Variants in VPS26A observed in about 807,000 individuals in gnomAD.
VPS26A encodes vacuolar protein sorting-associated protein 26A.
A neutral mutation model predicts 42.4 loss-of-function variants in VPS26A; 22 were observed. The observed-to-expected ratio is 0.52, with a 90% CI of 0.37 to 0.74. VPS26A has a LOEUF of 0.74. VPS26A is among the 30% of genes least tolerant of loss of function. VPS26A has a pLI of 0.00. For synonymous variants in VPS26A, 110 were observed against 123.5 expected (o/e 0.89, Z 0.73); for missense variants, 276 against 379.2 (o/e 0.73, Z 2.26).
At chr10:69,152,097 T>C (rs2132220286) in intron 2 of VPS26A, among the ~76,000 whole-genome samples, 1 of 152,156 alleles carries the variant, frequency 6.6e-6, no homozygotes, top group Admixed American at 6.5e-5. Flanking sequence ...TAATTTCAGC[T>C]ATTTGGGAGG....
intron 2 of VPS26A, among the ~76,000 whole-genome samples, chr10:69,149,755 T>TGAGA (rs1841256121): frequency 1.0e-5 from 1 of 98,304 alleles, no homozygotes; most frequent in African/African-American, 3.5e-5. Flanking sequence ...TTTTTTTTTT[T>TGAGA]TTTTTTTTTG....
intron 6 of VPS26A, among the ~76,000 whole-genome samples, chr10:69,163,164 G>A (rs140427549): frequency 1.3e-5 from 2 of 152,186 alleles, no homozygotes; most frequent in African/African-American, 2.4e-5. Context: ...CCAGTCTGCT[G>A]TTTGTGGACA....
At chr10:69,150,432 T>C (rs749647389) in intron 2 of VPS26A, among the ~76,000 whole-genome samples, 3 of 140,186 alleles carry the variant, frequency 2.1e-5, no homozygotes, top group Admixed American at 1.4e-4. Flanking sequence ...TGAGATGGAG[T>C]GTCCCTCAGG....
rs1266993111 is a variant in VPS26A at position 69,171,306 on chromosome 10, T to A, written c.*37T>A. On this transcript the variant is annotated 3_prime_UTR_variant, in exon 9 of 9. Coordinates refer to ENST00000263559, the MANE Select transcript of VPS26A (RefSeq NM_004896.5). The stretch of plus-strand genomic sequence containing the variant: ...GAAAAAAAGAAAAGCAAAAAACTCC[T>A]GTAACCCTTGAGATTAAGTTCAGCA... The A allele has an allele frequency of 6.3e-7, 1 of 1,576,984 alleles. No individual in the cohort carries two copies. Among genetic ancestry groups the A allele is most frequent in the East Asian group, 2.2e-5 (1 of 44,554 alleles).
chr10:69,155,061 G>C (rs1427654555), intron 2 of VPS26A, among the ~76,000 whole-genome samples: 1 of 151,982 alleles, frequency 6.6e-6, no homozygotes, highest in Non-Finnish European at 1.5e-5. Context: ...GAGGGAGGAG[G>C]ATCATTTGAG....
At chr10:69,147,133 T>C (rs1841178366) in intron 2 of VPS26A, among the ~76,000 whole-genome samples, 1 of 152,214 alleles carries the variant, frequency 6.6e-6, no homozygotes, top group Non-Finnish European at 1.5e-5. Context: ...TATAAAGTGG[T>C]ATCTCATTTT....
chr10:69,126,146 G>A (rs551520919), intron 1 of VPS26A, among the ~76,000 whole-genome samples: 75 of 152,192 alleles, frequency 4.9e-4, no homozygotes, highest in Non-Finnish European at 8.4e-4. Flanking sequence ...TTTACCAAAA[G>A]AAGTGAGTAG....
At chr10:69,168,413 A>G (rs969717499) in intron 7 of VPS26A, 76 bp from the exon 8 acceptor site, 49 of 1,479,028 alleles carry the variant, frequency 3.3e-5, no homozygotes, top group Admixed American at 6.0e-5. Flanking sequence ...TGTCAACTCT[A>G]TAGTGCTTAG....
At chr10:69,134,741 G>A (rs765459956) in intron 2 of VPS26A, among the ~76,000 whole-genome samples, 2 of 150,766 alleles carry the variant, frequency 1.3e-5, no homozygotes, top group Admixed American at 6.6e-5. Context: ...TGTTGAATCC[G>A]AAGTGAATTT....
intron 4 of VPS26A, 119 bp from the exon 5 acceptor site, chr10:69,157,928 G>C: frequency 1.2e-6 from 1 of 821,124 alleles, no homozygotes; most frequent in Non-Finnish European, 1.8e-6. Flanking sequence ...GAAGTAAGTT[G>C]ATCCCAAAGG....
chr10:69,167,164 T>C, intron 7 of VPS26A, among the ~76,000 whole-genome samples: 1 of 149,612 alleles, frequency 6.7e-6, no homozygotes, highest in Non-Finnish European at 1.5e-5. Flanking sequence ...GCGTGGTGGC[T>C]CACGCCTGTA....
At chr10:69,127,376 AC>A (rs1345332344) in intron 1 of VPS26A, among the ~76,000 whole-genome samples, 1 of 146,310 alleles carries the variant, frequency 6.8e-6, no homozygotes, top group East Asian at 2.1e-4. Flanking sequence ...ACACGGTGAA[AC>A]CCCGTCTCCA....
chr10:69,161,031 T>C lies in VPS26A; in HGVS notation c.552-1375T>C, dbSNP rs571231053. 2.0e-5 allele frequency among the ~76,000 whole-genome samples: 3 copies of C among 152,300 alleles called. No homozygotes were observed. The East Asian group carries it at 5.8e-4, about 29-fold the overall frequency. ...CTTGTGTCTTTTAATGTTGAAAATA[T>C]CTTCATACACCAAATATTTCAAGTA... On this transcript the variant is annotated intron_variant, in intron 5 of 8. Coordinates refer to ENST00000263559, the MANE Select transcript of VPS26A (RefSeq NM_004896.5).
intron 2 of VPS26A, among the ~76,000 whole-genome samples, chr10:69,142,966 C>G (rs1045402628): frequency 6.6e-6 from 1 of 152,092 alleles, no homozygotes; most frequent in African/African-American, 2.4e-5. Flanking sequence ...GAGAGAGGTT[C>G]TAGAATATAA....
intron 2 of VPS26A, among the ~76,000 whole-genome samples, chr10:69,151,283 A>AAAAAAAAAAAAAAAAAAAC (rs59929053): frequency 1.8e-4 from 22 of 122,164 alleles, no homozygotes; most frequent in African/African-American, 7.3e-4. Context: ...AAAAAAAAAA[A>AAAAAAAAAAAAAAAAAAAC]CACACACACA....
chr10:69,137,609 GT>G (rs1840942979), intron 2 of VPS26A, among the ~76,000 whole-genome samples: 1 of 152,034 alleles, frequency 6.6e-6, no homozygotes. Context: ...AGCTTACCTG[GT>G]TTGATCAATT....
At chr10:69,133,649 G>T in intron 2 of VPS26A, 1 of 1,258,548 alleles carries the variant, frequency 7.9e-7, no homozygotes, top group Non-Finnish European at 1.0e-6. Flanking sequence ...TAATGTATAC[G>T]GTTTTTTGTT....
chr10:69,147,245 A>G (rs1168610311), intron 2 of VPS26A, among the ~76,000 whole-genome samples: 1 of 151,954 alleles, frequency 6.6e-6, no homozygotes, highest in Non-Finnish European at 1.5e-5. Flanking sequence ...AAATTTGACT[A>G]TTTTTTTAAT....
chr10:69,150,336 G>T (rs7904944), intron 2 of VPS26A, among the ~76,000 whole-genome samples: 1 of 152,172 alleles, frequency 6.6e-6, no homozygotes, highest in East Asian at 1.9e-4. Flanking sequence ...GATTACAGGC[G>T]TGGGCCACTG....
Sources: gnomAD v4.1 joint callset for allele counts (sites outside exome capture counted in the v4.1 genomes callset) on GRCh38, gnomAD v4.1.1 for gene constraint, MANE v1.5 for transcripts, NCBI Gene and HGNC (gene_info 2026-07-23, HGNC 2026-07-21) for gene names.